MYO3B: variants seen among roughly 807,000 people sequenced by gnomAD.
MYO3B encodes the protein myosin-IIIb.
Under a neutral mutation model 174.6 loss-of-function variants are expected in MYO3B, and 156 were observed. The observed-to-expected ratio is 0.89, with a 90% CI of 0.78 to 1.02. The LOEUF is 1.02. Among genes scored for constraint, MYO3B ranks in the 50% least tolerant of loss-of-function variants. The pLI, the probability that MYO3B is intolerant of heterozygous loss-of-function variation, is 0.00. For missense variants in MYO3B, 1,632 were observed against 1,639.4 expected (o/e 1.00, Z 0.08); for synonymous variants, 563 against 569.1 (o/e 0.99, Z 0.15).
At chr2:170,238,629 G>A (rs1258950671) in intron 7 of MYO3B, among the ~76,000 whole-genome samples, 2 of 151,542 alleles carry the variant, frequency 1.3e-5, no homozygotes, top group African/African-American at 4.8e-5. Flanking sequence ...AATAAATTGA[G>A]TAAATTACCC....
intron 7 of MYO3B, among the ~76,000 whole-genome samples, chr2:170,288,019 A>T (rs1253652936): frequency 6.6e-6 from 1 of 152,106 alleles, no homozygotes; most frequent in Non-Finnish European, 1.5e-5. Context: ...TTTGTCAAAG[A>T]TGAGCTGATT....
At chr2:170,570,623 C>A (rs769537778) in intron 32 of MYO3B, among the ~76,000 whole-genome samples, 2 of 152,178 alleles carry the variant, frequency 1.3e-5, no homozygotes, top group Non-Finnish European at 2.9e-5. Flanking sequence ...TTGTAAGACA[C>A]GTAACTGTGC....
At position 170,501,844 on chromosome 2, in the gene MYO3B, T is replaced by G; in HGVS notation, c.3349T>G (p.Ser1117Ala). The G allele has an allele frequency of 6.2e-7, 1 of 1,611,430 alleles. No homozygotes were observed. The highest frequency in any genetic ancestry group is 8.5e-7 in the Non-Finnish European group (1 of 1,177,674). Residue 1117 changes from serine (S) to alanine (A), a missense_variant, in exon 28 of 35, where the codon TCT becomes GCT. Physicochemically the swap from Ser to Ala is moderately conservative, Grantham distance 99. Transcript: ENST00000408978. ...FKKISNRRNE[S>A]AAHNQAGDTS... The stretch of plus-strand genomic sequence containing the variant: ...GAAAATAAGCAACAGAAGGAATGAG[T>G]CTGCTGCTCATAATCAAGCAGGTAA...
chr2:170,259,160 C>T (rs2093326830), intron 7 of MYO3B, among the ~76,000 whole-genome samples: 1 of 152,086 alleles, frequency 6.6e-6, no homozygotes, highest in Non-Finnish European at 1.5e-5. Context: ...ATAGATTCAA[C>T]ACTATTCCTA....
intron 23 of MYO3B, among the ~76,000 whole-genome samples, chr2:170,455,376 T>A (rs1163067872): frequency 6.6e-6 from 1 of 152,230 alleles, no homozygotes; most frequent in Non-Finnish European, 1.5e-5. Context: ...GTCTCAGTTA[T>A]AATTTTTGCA....
At chr2:170,583,656 G>T (rs551442760) in intron 32 of MYO3B, among the ~76,000 whole-genome samples, 1 of 152,108 alleles carries the variant, frequency 6.6e-6, no homozygotes, top group African/African-American at 2.4e-5. Flanking sequence ...ATGGAACTGG[G>T]TTAAGTGTTT....
intron 10 of MYO3B, chr2:170,382,373 G>T: frequency 3.5e-6 from 1 of 282,624 alleles, no homozygotes; most frequent in East Asian, 5.8e-5. Context: ...CTTAATGATG[G>T]ATTATATCAG....
intron 32 of MYO3B, among the ~76,000 whole-genome samples, chr2:170,636,284 C>T (rs1268929837): frequency 1.3e-5 from 2 of 152,116 alleles, no homozygotes; most frequent in African/African-American, 4.8e-5. Context: ...CTGCCTGGCC[C>T]TACTCTCAAA....
Position 170,443,968 on chromosome 2 carries a change from T to C in MYO3B, c.2652T>C (p.Gly884=). ...TGTTCTTTGTGGTCTCTTTCTCAGG[T>C]AATTTGGCCCAGACAAGAGCTAGGA... ...QLFSIPLTKT[G]NLAQTRARIT... Residue 884 remains glycine (G), a splice_region_variant and synonymous_variant, in exon 23 of 35, where the codon GGT becomes GGC. Coordinates refer to ENST00000408978, the MANE Select transcript of MYO3B (RefSeq NM_138995.5). 3 of 1,608,780 alleles carry C rather than the reference T, an allele frequency of 1.9e-6. No homozygotes were observed. Among genetic ancestry groups the C allele is most frequent in the Non-Finnish European group, 2.6e-6 (3 of 1,176,236 alleles).
At chr2:170,336,802 A>G (rs926992102) in intron 8 of MYO3B, among the ~76,000 whole-genome samples, 1 of 152,194 alleles carries the variant, frequency 6.6e-6, no homozygotes, top group African/African-American at 2.4e-5. Context: ...GTAAACAGCT[A>G]TGAACCTATA....
rs374739590 is a variant in MYO3B at position 170,286,816 on chromosome 2, T to C, written c.750-48569T>C. Among the ~76,000 whole-genome samples, 463 of 152,242 alleles carry C rather than the reference T, an allele frequency of 3.0e-3. 7 individuals are homozygous for C. Among genetic ancestry groups the C allele is most frequent in the African/African-American group, 0.01 (429 of 41,554 alleles). ...ATAAAATGTATCATCTTTACCATTT[T>C]TAAGTATAGAGTTCAGTGGTAATAA... On this transcript the variant is annotated intron_variant, in intron 7 of 34. Coordinates refer to ENST00000408978, the MANE Select transcript of MYO3B (RefSeq NM_138995.5).
intron 32 of MYO3B, among the ~76,000 whole-genome samples, chr2:170,565,143 A>G (rs747709700): frequency 6.6e-6 from 1 of 152,148 alleles, no homozygotes; most frequent in East Asian, 1.9e-4. Flanking sequence ...TTTTTTTTGC[A>G]TATCAAACAG....
At chr2:170,472,938 C>T (rs187957474) in intron 25 of MYO3B, among the ~76,000 whole-genome samples, 19 of 151,698 alleles carry the variant, frequency 1.3e-4, no homozygotes, top group African/African-American at 3.6e-4. Flanking sequence ...TGAGCTCGAG[C>T]AATCTGTCTG....
At chr2:170,187,781 A>G (rs553862113) in intron 1 of MYO3B, among the ~76,000 whole-genome samples, 52 of 152,282 alleles carry the variant, frequency 3.4e-4, no homozygotes, top group African/African-American at 1.3e-3. Flanking sequence ...ACAGTTTCCA[A>G]AATTCCTATT....
intron 28 of MYO3B, among the ~76,000 whole-genome samples, chr2:170,509,114 T>C (rs1687805565): frequency 6.6e-6 from 1 of 152,214 alleles, no homozygotes; most frequent in Non-Finnish European, 1.5e-5. Context: ...CCCCGCACTT[T>C]GGGAGGCCGA....
At chr2:170,585,603 G>T (rs1046424487) in intron 32 of MYO3B, among the ~76,000 whole-genome samples, 5 of 152,164 alleles carry the variant, frequency 3.3e-5, no homozygotes, top group African/African-American at 1.2e-4. Flanking sequence ...AGATCTGTGA[G>T]ATGATCAGCT....
chr2:170,612,210 C>T (rs717543), intron 32 of MYO3B, among the ~76,000 whole-genome samples: 7,272 of 152,230 alleles, frequency 0.048, 567 homozygotes, highest in African/African-American at 0.16. Context: ...CCAAACATTT[C>T]ACAGGAAAGA....
intron 25 of MYO3B, among the ~76,000 whole-genome samples, chr2:170,473,405 C>A (rs1262250150): frequency 6.6e-6 from 1 of 152,070 alleles, no homozygotes; most frequent in Non-Finnish European, 1.5e-5. Flanking sequence ...CTCGGCCTCC[C>A]AAAGTACTGG....
chr2:170,178,963 G>A (rs10930408), intron 1 of MYO3B, among the ~76,000 whole-genome samples: 131,838 of 152,174 alleles, frequency 0.87, 57,472 homozygotes, highest in East Asian at 1. Context: ...CTTCCTCTCA[G>A]TAATTTTGTA....
Sources: allele counts gnomAD v4.1 joint callset (sites outside exome capture counted in the v4.1 genomes callset), GRCh38; gene constraint gnomAD v4.1.1; transcripts MANE v1.5; gene names NCBI Gene and HGNC (gene_info 2026-07-23, HGNC 2026-07-21).